The following GABBR2 variants were observed in gnomAD, a reference collection of about 807,000 sequenced individuals.
GABBR2 encodes G-protein coupled receptor 51.
A neutral mutation model predicts 105.6 loss-of-function variants in GABBR2; 23 were observed. The observed-to-expected ratio is 0.22, with a 90% CI of 0.16 to 0.31. GABBR2 has a LOEUF of 0.31. GABBR2 is among the 10% of genes least tolerant of loss of function. GABBR2 has a pLI of 1.00. For missense variants in GABBR2, 734 were observed against 1,245.5 expected, an observed-to-expected ratio of 0.59 and a Z score of 6.18; for synonymous variants, 478 against 499.7, an observed-to-expected ratio of 0.96 and a Z score of 0.58.
intron 1 of GABBR2, among the ~76,000 whole-genome samples, chr9:98,590,489 G>A (rs1043289078): frequency 4.6e-5 from 7 of 152,334 alleles, no homozygotes; most frequent in South Asian, 2.1e-4. Flanking sequence ...TACAAACTGC[G>A]TTTCCTAATT....
chr9:98,307,576 G>A (rs931314504), intron 14 of GABBR2, among the ~76,000 whole-genome samples: 1 of 152,162 alleles, frequency 6.6e-6, no homozygotes, highest in African/African-American at 2.4e-5. Flanking sequence ...GCAGCATAAC[G>A]CTGTGTGGTA....
chr9:98,695,935 CA>C (rs1292122656), intron 1 of GABBR2, among the ~76,000 whole-genome samples: 1 of 152,166 alleles, frequency 6.6e-6, no homozygotes, highest in East Asian at 1.9e-4. Context: ...ACTCAGTCTC[CA>C]AATAGTTACT....
At chr9:98,305,611 C>A (rs1313005967) in intron 15 of GABBR2, among the ~76,000 whole-genome samples, 1 of 152,148 alleles carries the variant, frequency 6.6e-6, no homozygotes, top group African/African-American at 2.4e-5. Context: ...GCCCAGGAGT[C>A]CAAGACCAGC....
intron 1 of GABBR2, among the ~76,000 whole-genome samples, chr9:98,602,854 G>A (rs1829361605): frequency 6.6e-6 from 1 of 152,204 alleles, no homozygotes; most frequent in Non-Finnish European, 1.5e-5. Flanking sequence ...TGGGGCCATA[G>A]TCTGTACTGG....
chr9:98,523,270 T>C (rs10733671), intron 3 of GABBR2, among the ~76,000 whole-genome samples: 119,351 of 152,170 alleles, frequency 0.78, 47,094 homozygotes, highest in Middle Eastern at 0.91. Flanking sequence ...AATTAAGAAG[T>C]AGATAAATCA....
intron 1 of GABBR2, among the ~76,000 whole-genome samples, chr9:98,620,990 G>T (rs916676895): frequency 6.6e-6 from 1 of 152,158 alleles, no homozygotes; most frequent in Non-Finnish European, 1.5e-5. Flanking sequence ...GGCAGGCACA[G>T]CAATGGCTCA....
chr9:98,368,042 T>TGCCCTTTAC (rs1831712625), intron 12 of GABBR2, among the ~76,000 whole-genome samples: 1 of 152,106 alleles, frequency 6.6e-6, no homozygotes. Flanking sequence ...GCATGAAGTT[T>TGCCCTTTAC]ATCGCCGTCA....
intron 4 of GABBR2, chr9:98,496,144 G>C: frequency 4.3e-6 from 2 of 470,532 alleles, no homozygotes; most frequent in South Asian, 5.0e-5. Flanking sequence ...TGCCCTGCTT[G>C]CCCCTGAGGC....
chr9:98,510,335 A>G (rs927077251), intron 3 of GABBR2, among the ~76,000 whole-genome samples: 10 of 152,232 alleles, frequency 6.6e-5, no homozygotes, highest in Middle Eastern at 3.2e-3. Flanking sequence ...TGTAAAGACC[A>G]TCAAGGCTAG....
intron 3 of GABBR2, among the ~76,000 whole-genome samples, chr9:98,520,607 T>A (rs1827848486): frequency 6.6e-6 from 1 of 152,226 alleles, no homozygotes; most frequent in African/African-American, 2.4e-5. Context: ...CCCAGGAGGG[T>A]CTGGGTATGC....
intron 9 of GABBR2, 119 bp from the exon 10 acceptor site, chr9:98,389,123 A>G (rs1242515113): frequency 5.0e-6 from 4 of 797,718 alleles, no homozygotes; most frequent in Non-Finnish European, 8.0e-6. Context: ...CACAAGGCAC[A>G]TCTATCTACC....
At chr9:98,402,923 C>T (rs1306076536) in intron 8 of GABBR2, among the ~76,000 whole-genome samples, 1 of 151,994 alleles carries the variant, frequency 6.6e-6, no homozygotes, top group Non-Finnish European at 1.5e-5. Flanking sequence ...GCATATGCCC[C>T]CTGCATTCTG....
intron 1 of GABBR2, among the ~76,000 whole-genome samples, chr9:98,654,799 A>G (rs1433423100): frequency 1.3e-5 from 2 of 152,226 alleles, no homozygotes; most frequent in Admixed American, 1.3e-4. Context: ...CCACATACGG[A>G]TATTTACAGC....
chr9:98,501,134 C>CAA (rs201462929), intron 3 of GABBR2, among the ~76,000 whole-genome samples: 2 of 145,236 alleles, frequency 1.4e-5, no homozygotes, highest in Non-Finnish European at 3.0e-5. Flanking sequence ...TGCCCCCCCC[C>CAA]CTTCCCCGCC....
At chr9:98,456,650 C>T (rs1490335935) in intron 6 of GABBR2, among the ~76,000 whole-genome samples, 1 of 152,200 alleles carries the variant, frequency 6.6e-6, no homozygotes, top group Non-Finnish European at 1.5e-5. Context: ...CCTATTCACA[C>T]ATTGTAGAGC....
At chr9:98,449,346 C>T (rs933522312) in intron 7 of GABBR2, among the ~76,000 whole-genome samples, 3 of 152,150 alleles carry the variant, frequency 2.0e-5, no homozygotes, top group Admixed American at 6.5e-5. Flanking sequence ...GGCCAGGGAC[C>T]GTATGTTATT....
chr9:98,585,629 CTTA>C (rs1433178363), intron 1 of GABBR2, among the ~76,000 whole-genome samples: 1 of 127,352 alleles, frequency 7.9e-6, no homozygotes, highest in Non-Finnish European at 1.8e-5. Context: ...TACCCTAAAA[CTTA>C]AAGTATAATA....
At chr9:98,310,074 C>A (rs1164062381) in intron 14 of GABBR2, among the ~76,000 whole-genome samples, 1 of 152,154 alleles carries the variant, frequency 6.6e-6, no homozygotes, top group African/African-American at 2.4e-5. Context: ...GTGGAAAGAT[C>A]TGAGGAGGGC....
intron 7 of GABBR2, among the ~76,000 whole-genome samples, chr9:98,441,667 G>T (rs1260909938): frequency 1.3e-5 from 2 of 152,160 alleles, no homozygotes; most frequent in Non-Finnish European, 2.9e-5. Flanking sequence ...GCGCCCAGCT[G>T]GGAGTTATTT....
Sources: gnomAD v4.1 joint callset for allele counts (sites outside exome capture counted in the v4.1 genomes callset) on GRCh38, gnomAD v4.1.1 for gene constraint, MANE v1.5 for transcripts, NCBI Gene and HGNC (gene_info 2026-07-23, HGNC 2026-07-21) for gene names.